Variants in CCDC148 observed in about 807,000 individuals in gnomAD.
CCDC148 encodes coiled-coil domain containing 148.
CCDC148 carries 89 observed loss-of-function variants against 85.7 expected under a neutral mutation model. That is an observed-to-expected ratio of 1.04 (90% CI 0.87 to 1.24). CCDC148 has a LOEUF of 1.24. Ranked by LOEUF, CCDC148 falls within the 50% of genes most tolerant of loss-of-function variation. CCDC148 has a pLI of 0.00. For missense variants in CCDC148, 692 were observed against 671.7 expected (o/e 1.03, Z -0.33); for synonymous variants, 230 against 213.9 (o/e 1.08, Z -0.66).
chr2:158,375,244 C>A (rs1684606231), intron 1 of CCDC148, among the ~76,000 whole-genome samples: 1 of 152,018 alleles, frequency 6.6e-6, no homozygotes, highest in Non-Finnish European at 1.5e-5. Context: ...GTCATACAAA[C>A]CCTGTGAAGG....
chr2:158,335,679 A>G (rs1682338949), intron 7 of CCDC148, among the ~76,000 whole-genome samples: 1 of 152,080 alleles, frequency 6.6e-6, no homozygotes, highest in African/African-American at 2.4e-5. Context: ...CCATGATTCA[A>G]TTATCTCCAC....
intron 9 of CCDC148, among the ~76,000 whole-genome samples, chr2:158,290,940 T>C (rs1450657212): frequency 6.6e-6 from 1 of 152,082 alleles, no homozygotes; most frequent in East Asian, 1.9e-4. Flanking sequence ...CCCATTCAAC[T>C]TTCTCAATAT....
At chr2:158,381,479 G>C (rs1282405235) in intron 1 of CCDC148, among the ~76,000 whole-genome samples, 3 of 152,152 alleles carry the variant, frequency 2.0e-5, no homozygotes, top group African/African-American at 7.2e-5. Context: ...ATGTTGGTAA[G>C]AAAGTGGAGC....
intron 1 of CCDC148, among the ~76,000 whole-genome samples, chr2:158,422,752 A>G (rs761865874): frequency 6.6e-6 from 1 of 152,084 alleles, no homozygotes; most frequent in Non-Finnish European, 1.5e-5. Context: ...GGCAGGAGAA[A>G]GAAATAAAGG....
chr2:158,263,021 C>T (rs1234283553), intron 9 of CCDC148, among the ~76,000 whole-genome samples: 1 of 152,054 alleles, frequency 6.6e-6, no homozygotes, highest in African/African-American at 2.4e-5. Flanking sequence ...TGACAAATTT[C>T]TTACACAGAA....
intron 9 of CCDC148, among the ~76,000 whole-genome samples, chr2:158,252,427 C>T (rs1413889255): frequency 6.6e-6 from 1 of 151,620 alleles, no homozygotes; most frequent in Non-Finnish European, 1.5e-5. Flanking sequence ...GCTTTCAAAC[C>T]TTTCCTTTCT....
chr2:158,444,639 A>G (rs184113543), intron 1 of CCDC148, among the ~76,000 whole-genome samples: 1 of 151,690 alleles, frequency 6.6e-6, no homozygotes, highest in East Asian at 1.9e-4. Flanking sequence ...AAAATTGGCC[A>G]GGCATGGTGG....
At chr2:158,258,739 C>T (rs1036133607) in intron 9 of CCDC148, among the ~76,000 whole-genome samples, 1 of 151,824 alleles carries the variant, frequency 6.6e-6, no homozygotes, top group Non-Finnish European at 1.5e-5. Flanking sequence ...TCCATAAGGG[C>T]CTCCCTGCAT....
At chr2:158,185,698 C>A (rs1170431338) in intron 11 of CCDC148, among the ~76,000 whole-genome samples, 2 of 151,950 alleles carry the variant, frequency 1.3e-5, no homozygotes, top group African/African-American at 4.8e-5. Flanking sequence ...CAAACTAATC[C>A]AAAAAACTAT....
intron 11 of CCDC148, among the ~76,000 whole-genome samples, chr2:158,198,506 G>C (rs1231441828): frequency 6.6e-6 from 1 of 152,106 alleles, no homozygotes; most frequent in Non-Finnish European, 1.5e-5. Context: ...TTCATTTTCT[G>C]AATCATGCCA....
At chr2:158,174,876 G>A (rs1684498916) in intron 13 of CCDC148, among the ~76,000 whole-genome samples, 3 of 151,988 alleles carry the variant, frequency 2.0e-5, no homozygotes, top group Non-Finnish European at 4.4e-5. Context: ...CATATATGTG[G>A]TCTGTCTTTG....
At chr2:158,262,426 G>A (rs1468216376) in intron 9 of CCDC148, among the ~76,000 whole-genome samples, 1 of 151,956 alleles carries the variant, frequency 6.6e-6, no homozygotes, top group Non-Finnish European at 1.5e-5. Flanking sequence ...TAATACCTGG[G>A]TGATGAAATA....
intron 1 of CCDC148, among the ~76,000 whole-genome samples, chr2:158,402,038 G>A (rs931492527): frequency 1.3e-5 from 2 of 151,950 alleles, no homozygotes; most frequent in African/African-American, 4.8e-5. Flanking sequence ...ACTGAGTTGT[G>A]TATTTAATGT....
At position 158,381,369 on chromosome 2, in the gene CCDC148, G is replaced by A. The variant is rs920919643; in HGVS notation, c.26-22799C>T. Among the ~76,000 whole-genome samples, 9 of 152,050 alleles carry A rather than the reference G, an allele frequency of 5.9e-5. No homozygotes were observed. The East Asian group carries it at 7.7e-4, about 13-fold the overall frequency. ...GTGGCCAATAAACATATTACAATGC[G>A]CTCAACTTTATCCATTAGCAAAATC... is the stretch of plus-strand genomic sequence containing the variant. On this transcript the variant is annotated intron_variant, in intron 1 of 13. Transcript: ENST00000283233.
chr2:158,174,330 A>G (rs1036311005), intron 13 of CCDC148, among the ~76,000 whole-genome samples: 2 of 152,018 alleles, frequency 1.3e-5, no homozygotes, highest in African/African-American at 2.4e-5. Flanking sequence ...CTTGTTGTCT[A>G]GCTTCGAATC....
At chr2:158,384,309 A>G (rs1278552144) in intron 1 of CCDC148, among the ~76,000 whole-genome samples, 1 of 152,044 alleles carries the variant, frequency 6.6e-6, no homozygotes, top group East Asian at 1.9e-4. Context: ...ATCTGCATAG[A>G]TTTGTTTTAT....
chr2:158,391,810 C>T (rs1685320630), intron 1 of CCDC148, among the ~76,000 whole-genome samples: 1 of 152,020 alleles, frequency 6.6e-6, no homozygotes, highest in Non-Finnish European at 1.5e-5. Flanking sequence ...ATTACACAGA[C>T]ATAAGCAAAA....
chr2:158,213,767 A>C (rs1686698745), intron 11 of CCDC148, among the ~76,000 whole-genome samples: 2 of 152,352 alleles, frequency 1.3e-5, no homozygotes, highest in African/African-American at 4.8e-5. Context: ...TCAGTAAAGA[A>C]AGTTTCTGGG....
intron 9 of CCDC148, 43 bp from the exon 10 acceptor site, chr2:158,250,955 T>C (rs767518449): frequency 5.8e-6 from 9 of 1,553,072 alleles, no homozygotes; most frequent in Non-Finnish European, 7.8e-6. Flanking sequence ...CTATGCACAC[T>C]GAAGTTATTT....
Sources: gnomAD v4.1 joint callset for allele counts (sites outside exome capture counted in the v4.1 genomes callset) on GRCh38, gnomAD v4.1.1 for gene constraint, MANE v1.5 for transcripts, NCBI Gene and HGNC (gene_info 2026-07-23, HGNC 2026-07-21) for gene names.